Variants in CLSTN2 observed in about 807,000 individuals in gnomAD.
CLSTN2 encodes the protein calsyntenin 2.
In CLSTN2, 48 loss-of-function variants were observed where a neutral mutation model predicts 101.2. The observed-to-expected ratio is 0.47, with a 90% CI of 0.38 to 0.60. The LOEUF is 0.60. CLSTN2 is among the 20% of genes least tolerant of loss of function. CLSTN2 has a pLI of 0.00. For synonymous variants in CLSTN2, 481 were observed against 463.6 expected, an observed-to-expected ratio of 1.04 and a Z score of -0.48; for missense variants, 1,160 against 1,238.2, an observed-to-expected ratio of 0.94 and a Z score of 0.95.
At chr3:140,178,234 A>G (rs943145386) in intron 2 of CLSTN2, among the ~76,000 whole-genome samples, 1 of 152,146 alleles carries the variant, frequency 6.6e-6, no homozygotes, top group African/African-American at 2.4e-5. Context: ...ACAGACCACA[A>G]TAGAAAAAAA....
At chr3:139,981,994 T>G (rs920240344) in intron 1 of CLSTN2, among the ~76,000 whole-genome samples, 1 of 152,188 alleles carries the variant, frequency 6.6e-6, no homozygotes, top group Non-Finnish European at 1.5e-5. Context: ...TGCCATGATT[T>G]GAGCATTCCC....
At chr3:140,447,855 A>G (rs1933123228) in intron 5 of CLSTN2, among the ~76,000 whole-genome samples, 2 of 152,246 alleles carry the variant, frequency 1.3e-5, no homozygotes, top group African/African-American at 2.4e-5. Flanking sequence ...CACAAGTACT[A>G]CAATAAGTAT....
At chr3:140,101,818 C>G (rs2008971032) in intron 1 of CLSTN2, among the ~76,000 whole-genome samples, 1 of 152,158 alleles carries the variant, frequency 6.6e-6, no homozygotes, top group Non-Finnish European at 1.5e-5. Flanking sequence ...AAAGGCACAA[C>G]TGCTTTTAAC....
At chr3:140,212,856 C>G (rs2010875117) in intron 2 of CLSTN2, among the ~76,000 whole-genome samples, 1 of 152,212 alleles carries the variant, frequency 6.6e-6, no homozygotes, top group Non-Finnish European at 1.5e-5. Context: ...GTGCTCCATG[C>G]CTGAGCTGTG....
In CLSTN2 at chr3:140,159,495, G is replaced by A. The variant is rs553731736; in HGVS notation, c.110-16456G>A. ...AATATCATCTCACAGCCATTACAAT[G>A]GCTATTATAAAAACAAAAAACAGAG... On this transcript the variant is annotated intron_variant, in intron 1 of 16. Transcript: ENST00000458420. Among the ~76,000 whole-genome samples, 7 of 152,200 alleles carry A rather than the reference G, an allele frequency of 4.6e-5. No homozygotes were observed. In the South Asian group the frequency reaches 1.5e-3, roughly 32 times the overall value.
chr3:140,220,952 A>T (rs975724230), intron 2 of CLSTN2, among the ~76,000 whole-genome samples: 1 of 152,242 alleles, frequency 6.6e-6, no homozygotes, highest in Non-Finnish European at 1.5e-5. Context: ...ATATACTGCA[A>T]CTGGAGCCCT....
chr3:140,532,514 G>A lies in CLSTN2; in HGVS notation c.1507+28G>A, dbSNP rs777913859. The A allele has an allele frequency of 5.0e-6, 8 of 1,592,138 alleles. No homozygotes were observed. In the South Asian group the frequency reaches 8.0e-5, roughly 16 times the overall value. ...AATCCTAAGTGAAACCCTTTTCTCT[G>A]ACCTGTTTGTGAATAGTTCTTGGAA... On this transcript the variant is annotated intron_variant, in intron 9 of 16. Transcript: ENST00000458420.
chr3:140,102,142 T>C (rs1159225497), intron 1 of CLSTN2, among the ~76,000 whole-genome samples: 2 of 152,212 alleles, frequency 1.3e-5, no homozygotes, highest in East Asian at 3.8e-4. Context: ...ATGGGCTTCC[T>C]ATAAACTGCT....
chr3:140,278,823 G>A (rs2086819055), intron 2 of CLSTN2, among the ~76,000 whole-genome samples: 1 of 152,242 alleles, frequency 6.6e-6, no homozygotes, highest in Non-Finnish European at 1.5e-5. Context: ...GGGCTGAAGC[G>A]ATCTTCCCAC....
At chr3:140,173,504 C>T (rs2010271438) in intron 1 of CLSTN2, among the ~76,000 whole-genome samples, 1 of 152,210 alleles carries the variant, frequency 6.6e-6, no homozygotes, top group African/African-American at 2.4e-5. Context: ...GCTCTCTTCT[C>T]ACAGCTCCAC....
rs1934322834 is a variant in CLSTN2 at position 140,490,115 on chromosome 3, TATACACAC to T, written c.1344+23386_1344+23393del. On this transcript the variant is annotated intron_variant, in intron 8 of 16. Coordinates refer to ENST00000458420, the MANE Select transcript of CLSTN2 (RefSeq NM_022131.3). Reference sequence around the variant, plus strand: ...ATATATATATATATATATATATATATATACACACACACACACACACACACACACACACA... The same window carrying T: ...ATATATATATATATATATATATATATACACACACACACACACACACACACA... Among the ~76,000 whole-genome samples the T allele has an allele frequency of 7.7e-4, 6 of 7,748 alleles. 3 individuals are homozygous for T. Among genetic ancestry groups the T allele is most frequent in the Non-Finnish European group, 1.3e-3 (6 of 4,648 alleles). 5.1% of individuals were successfully genotyped at this position (7,748 alleles called of 152,430 possible).
At chr3:140,220,627 A>T (rs185778016) in intron 2 of CLSTN2, among the ~76,000 whole-genome samples, 1 of 152,332 alleles carries the variant, frequency 6.6e-6, no homozygotes, top group Admixed American at 6.5e-5. Context: ...TTTCCATTCA[A>T]TCAGTAGAAA....
At chr3:140,041,883 G>A (rs979819611) in intron 1 of CLSTN2, among the ~76,000 whole-genome samples, 1 of 152,198 alleles carries the variant, frequency 6.6e-6, no homozygotes, top group Non-Finnish European at 1.5e-5. Context: ...AAACCTGTGT[G>A]AGGAGGGAAG....
At chr3:140,264,409 TATATATATATATATATATAA>T (rs2086678271) in intron 2 of CLSTN2, among the ~76,000 whole-genome samples, 1 of 59,112 alleles carries the variant, frequency 1.7e-5, no homozygotes, top group East Asian at 2.8e-4. Flanking sequence ...TATATATATA[TATATATATATATATATATAA>T]AATTAGGCAT....
At chr3:140,325,932 GA>G (rs1185601710) in intron 2 of CLSTN2, among the ~76,000 whole-genome samples, 1 of 152,184 alleles carries the variant, frequency 6.6e-6, no homozygotes, top group Non-Finnish European at 1.5e-5. Context: ...CCTTTCTGCA[GA>G]AAGTAAAAAT....
chr3:139,971,624 T>A (rs1935707244), intron 1 of CLSTN2, among the ~76,000 whole-genome samples: 1 of 152,218 alleles, frequency 6.6e-6, no homozygotes, highest in East Asian at 1.9e-4. Context: ...TATATCCAAG[T>A]GAGCCAAGGC....
chr3:140,364,219 A>T (rs1445177520), intron 2 of CLSTN2, among the ~76,000 whole-genome samples: 1 of 151,914 alleles, frequency 6.6e-6, no homozygotes, highest in Non-Finnish European at 1.5e-5. Flanking sequence ...AGACACACTC[A>T]CCCAGAGTTC....
At chr3:140,178,315 G>C (rs1362510998) in intron 2 of CLSTN2, among the ~76,000 whole-genome samples, 1 of 152,070 alleles carries the variant, frequency 6.6e-6, no homozygotes, top group Non-Finnish European at 1.5e-5. Context: ...GTTGGTTATA[G>C]GGCCGAAGAA....
At chr3:140,221,484 G>A (rs578041340) in intron 2 of CLSTN2, among the ~76,000 whole-genome samples, 1 of 152,162 alleles carries the variant, frequency 6.6e-6, no homozygotes, top group South Asian at 2.1e-4. Context: ...TGTAGACCAG[G>A]AATAGCAATA....
Sources: allele counts gnomAD v4.1 joint callset (sites outside exome capture counted in the v4.1 genomes callset), GRCh38; gene constraint gnomAD v4.1.1; transcripts MANE v1.5; gene names NCBI Gene and HGNC (gene_info 2026-07-23, HGNC 2026-07-21).